Variants in TENM2 observed in about 807,000 individuals in gnomAD.
TENM2 encodes teneurin transmembrane protein 2.
A neutral mutation model predicts 245.2 loss-of-function variants in TENM2; 52 were observed. The observed-to-expected ratio is 0.21, with a 90% confidence interval of 0.17 to 0.27. TENM2 has a LOEUF of 0.27. TENM2 is among the 10% of genes least tolerant of loss of function. TENM2 has a pLI of 1.00. For missense variants in TENM2, 3,046 were observed against 3,666.8 expected (o/e 0.83, Z 4.37); for synonymous variants, 1,363 against 1,438.9 (o/e 0.95, Z 1.19).
At chr5:167,602,461 G>GA (rs1376257488) in intron 2 of TENM2, among the ~76,000 whole-genome samples, 9 of 152,166 alleles carry the variant, frequency 5.9e-5, no homozygotes, top group South Asian at 2.1e-4. Context: ...ACAGAGCAAA[G>GA]AAAAAATATT....
rs755828080 is a variant in TENM2 at position 167,734,484 on chromosome 5, G to A, written c.503-141502G>A. On this transcript the variant is annotated intron_variant, in intron 2 of 28. Transcript: ENST00000518659. ...TTAGATATAATCATATATAATATAT[G>A]CAATATATTATATATAAATAATATA... Among the ~76,000 whole-genome samples the A allele has an allele frequency of 7.4e-5, 11 of 148,020 alleles. No homozygotes were observed. In the South Asian group the frequency reaches 1.7e-3, roughly 23 times the overall value.
intron 1 of TENM2, among the ~76,000 whole-genome samples, chr5:167,302,252 T>C (rs1017935929): frequency 2.0e-5 from 3 of 151,946 alleles, no homozygotes; most frequent in African/African-American, 7.3e-5. Context: ...TATATTGGGG[T>C]CAAGTGGCAT....
the TENM2 span, among the ~76,000 whole-genome samples, chr5:167,071,792 A>G: frequency 6.6e-6 from 1 of 151,752 alleles, no homozygotes; most frequent in Admixed American, 6.6e-5. Flanking sequence ...ACATTGAATG[A>G]GGTTGTGCTT....
At position 167,763,413 on chromosome 5, in the gene TENM2, A is replaced by G. The variant is rs78806366; in HGVS notation, c.503-112573A>G. 7.7e-3 allele frequency among the ~76,000 whole-genome samples: 1,166 copies of G among 152,278 alleles called. 17 individuals are homozygous for G. The highest frequency in any genetic ancestry group is 0.027 in the African/African-American group (1,116 of 41,564). On this transcript the variant is annotated intron_variant, in intron 2 of 28. Coordinates refer to ENST00000518659, the Ensembl canonical transcript of TENM2. ...AATGGCAGCCTCAAGCTCCCAAGCA[A>G]TCAGCAAATGTCAAATGTCCCCAAG...
intron 2 of TENM2, among the ~76,000 whole-genome samples, chr5:167,435,625 T>C (rs1764506381): frequency 6.6e-6 from 1 of 152,140 alleles, no homozygotes; most frequent in South Asian, 2.1e-4. Context: ...GCTGAAAAGA[T>C]ACCTGAAAAT....
the TENM2 span, among the ~76,000 whole-genome samples, chr5:167,263,060 G>A: frequency 4.6e-5 from 7 of 152,078 alleles, no homozygotes; most frequent in Non-Finnish European, 8.8e-5. Context: ...CGTCCCAGAG[G>A]TCCCACCTCT....
intron 3 of TENM2, among the ~76,000 whole-genome samples, chr5:167,911,135 C>T (rs1450031465): frequency 6.6e-6 from 1 of 151,996 alleles, no homozygotes; most frequent in African/African-American, 2.4e-5. Context: ...TCATGTTTTA[C>T]TTGGGATGAA....
intron 2 of TENM2, among the ~76,000 whole-genome samples, chr5:167,386,005 T>C (rs1761414298): frequency 6.6e-6 from 1 of 152,002 alleles, no homozygotes; most frequent in Non-Finnish European, 1.5e-5. Context: ...CAAGTATCTT[T>C]TTCATATAAT....
At chr5:167,662,698 T>C (rs1459385959) in intron 2 of TENM2, among the ~76,000 whole-genome samples, 1 of 152,216 alleles carries the variant, frequency 6.6e-6, no homozygotes, top group Non-Finnish European at 1.5e-5. Context: ...TTGTTCACCA[T>C]TGTTTCTTGA....
chr5:167,573,533 T>A (rs200577274), intron 2 of TENM2, among the ~76,000 whole-genome samples: 14 of 147,354 alleles, frequency 9.5e-5, no homozygotes, highest in African/African-American at 3.6e-4. Context: ...CCTCTCCCCC[T>A]CTCTCTCTCT....
chr5:167,485,430 T>TA (rs1582175751), intron 2 of TENM2, among the ~76,000 whole-genome samples: 1 of 152,308 alleles, frequency 6.6e-6, no homozygotes, highest in East Asian at 1.9e-4. Context: ...CACAATTACA[T>TA]AAAAAATGAA....
At chr5:167,594,032 T>C (rs1261677595) in intron 2 of TENM2, among the ~76,000 whole-genome samples, 6 of 152,228 alleles carry the variant, frequency 3.9e-5, no homozygotes, top group Non-Finnish European at 8.8e-5. Context: ...TAGACTCTTT[T>C]CATGAACATT....
the TENM2 span, among the ~76,000 whole-genome samples, chr5:167,118,116 A>G: frequency 6.6e-6 from 1 of 152,174 alleles, no homozygotes; most frequent in Admixed American, 6.5e-5. Context: ...TTTTATCAAG[A>G]CTATTCATAG....
chr5:167,230,786 G>T, the TENM2 span, among the ~76,000 whole-genome samples: 1 of 152,278 alleles, frequency 6.6e-6, no homozygotes, highest in South Asian at 2.1e-4. Flanking sequence ...TATTAGAAAT[G>T]TAATGTAAAC....
At chr5:168,004,121 G>A (rs1224775280) in intron 5 of TENM2, among the ~76,000 whole-genome samples, 1 of 152,156 alleles carries the variant, frequency 6.6e-6, no homozygotes, top group Non-Finnish European at 1.5e-5. Context: ...GATCCTTGAA[G>A]CCAGAGAGCA....
At chr5:168,148,628 A>G (rs1756329424) in intron 12 of TENM2, among the ~76,000 whole-genome samples, 1 of 152,174 alleles carries the variant, frequency 6.6e-6, no homozygotes, top group South Asian at 2.1e-4. Flanking sequence ...TAGATTCATG[A>G]TAAAGGTGGG....
At chr5:167,147,089 G>A in the TENM2 span, among the ~76,000 whole-genome samples, 2 of 152,100 alleles carry the variant, frequency 1.3e-5, no homozygotes, top group African/African-American at 4.8e-5. Context: ...TTTTCCTAAA[G>A]CATGTGCTTT....
chr5:167,848,879 G>T (rs1469745326), intron 2 of TENM2, among the ~76,000 whole-genome samples: 3 of 152,144 alleles, frequency 2.0e-5, no homozygotes, highest in Non-Finnish European at 4.4e-5. Flanking sequence ...AGATTAGATG[G>T]ACCACTTAAA....
intron 5 of TENM2, among the ~76,000 whole-genome samples, chr5:168,029,522 A>C (rs191387646): frequency 5.1e-4 from 78 of 152,346 alleles, no homozygotes; most frequent in Admixed American, 1.2e-3. Context: ...TGCTCCAGCC[A>C]CAATATATCC....
Sources: allele counts gnomAD v4.1 joint callset (sites outside exome capture counted in the v4.1 genomes callset), GRCh38; gene constraint gnomAD v4.1.1; transcripts MANE v1.5; gene names NCBI Gene and HGNC (gene_info 2026-07-23, HGNC 2026-07-21).